Variants in VEPH1 observed in about 807,000 individuals in gnomAD.
VEPH1 encodes the protein ventricular zone-expressed PH domain-containing protein homolog 1.
Under a neutral mutation model 85.2 loss-of-function variants are expected in VEPH1, and 80 were observed. The observed-to-expected ratio is 0.94, with a 90% CI of 0.78 to 1.13. The LOEUF (loss-of-function observed/expected upper bound fraction) is 1.13. Ranked by LOEUF, VEPH1 falls within the 50% of genes most tolerant of loss-of-function variation. VEPH1 has a pLI of 0.00. For missense variants in VEPH1, 955 were observed against 980.5 expected (o/e 0.97, Z 0.35); for synonymous variants, 297 against 348.0 (o/e 0.85, Z 1.63).
At chr3:157,289,500 G>A (rs1489104416) in intron 11 of VEPH1, among the ~76,000 whole-genome samples, 1 of 152,132 alleles carries the variant, frequency 6.6e-6, no homozygotes, top group Non-Finnish European at 1.5e-5. Context: ...CACTTCGAAT[G>A]GAAAGACAGA....
At chr3:157,285,488 AT>A (rs1381582598) in intron 12 of VEPH1, among the ~76,000 whole-genome samples, 1 of 152,204 alleles carries the variant, frequency 6.6e-6, no homozygotes, top group Non-Finnish European at 1.5e-5. Flanking sequence ...AATCTTTAAG[AT>A]GCATAAAATC....
intron 9 of VEPH1, among the ~76,000 whole-genome samples, chr3:157,336,368 T>C (rs1161575183): frequency 6.6e-6 from 1 of 152,148 alleles, no homozygotes; most frequent in Non-Finnish European, 1.5e-5. Context: ...TGAGGAACCA[T>C]TTGCTGCCCC....
At chr3:157,300,176 G>C (rs953701388) in intron 11 of VEPH1, among the ~76,000 whole-genome samples, 2 of 151,846 alleles carry the variant, frequency 1.3e-5, no homozygotes, top group Non-Finnish European at 2.9e-5. Flanking sequence ...TAATATCCAT[G>C]ATAGCAGCAA....
Position 157,438,051 on chromosome 3 carries a change from A to G in VEPH1, c.530-9563T>C, listed in dbSNP as rs1345653582. 7.0e-5 allele frequency: 51 copies of G among 725,146 alleles called. 1 individual carries two copies. The highest frequency in any genetic ancestry group is 7.7e-4 in the Middle Eastern group (2 of 2,598). 44.9% of individuals were successfully genotyped at this position (725,146 alleles called of 1,614,324 possible). ...CGCGCGCGCGCGCACACACACACAC[A>G]CACACACACACACACACACACCCCT... On this transcript the variant is annotated intron_variant, in intron 4 of 13. Coordinates refer to ENST00000362010, the MANE Select transcript of VEPH1 (RefSeq NM_001167912.2).
chr3:157,431,162 C>G (rs1733116726), intron 4 of VEPH1, among the ~76,000 whole-genome samples: 1 of 152,140 alleles, frequency 6.6e-6, no homozygotes, highest in African/African-American at 2.4e-5. Context: ...GTGGCAGTTT[C>G]CGCTGTACTC....
chr3:157,454,827 G>A lies in VEPH1; in HGVS notation c.529+5354C>T, dbSNP rs574122335. Among the ~76,000 whole-genome samples, 3 of 152,206 alleles carry A rather than the reference G, an allele frequency of 2.0e-5. No individual in the cohort carries two copies. The East Asian group carries it at 5.8e-4, about 29-fold the overall frequency. Reference sequence around the variant, plus strand: ...TATGTCCACATGTACCCAATGATTAGTTCCCACTTATAAGTGAAAACATGT... The same window carrying A: ...TATGTCCACATGTACCCAATGATTAATTCCCACTTATAAGTGAAAACATGT... On this transcript the variant is annotated intron_variant, in intron 4 of 13. Transcript: ENST00000362010.
rs532703562 is a variant in VEPH1, at chr3:157,325,859, T to C, written c.1736-8658A>G. 4.6e-5 allele frequency among the ~76,000 whole-genome samples: 7 copies of C among 152,352 alleles called. No individual in the cohort carries two copies. The East Asian group carries it at 5.8e-4, about 13-fold the overall frequency. ...TGAATTTTAAAATAGTTTTTTCTAA[T>C]TCTGTGAAGAATGTCAATGGTAGTT... On this transcript the variant is annotated intron_variant, in intron 9 of 13. Coordinates refer to ENST00000362010, the MANE Select transcript of VEPH1 (RefSeq NM_001167912.2).
chr3:157,461,850 C>A (rs1215032011), intron 3 of VEPH1, among the ~76,000 whole-genome samples: 1 of 151,744 alleles, frequency 6.6e-6, no homozygotes, highest in Non-Finnish European at 1.5e-5. Flanking sequence ...ATCTCGATGG[C>A]CTCAGAGTAG....
chr3:157,410,272 T>C (rs1452010800), intron 6 of VEPH1, among the ~76,000 whole-genome samples: 1 of 152,246 alleles, frequency 6.6e-6, no homozygotes, highest in Middle Eastern at 3.4e-3. Flanking sequence ...CCATGCCTTA[T>C]ATGGTCCCAT....
chr3:157,413,328 G>C (rs367980312), intron 6 of VEPH1: 2 of 365,824 alleles, frequency 5.5e-6, no homozygotes, highest in Non-Finnish European at 7.6e-6. Context: ...ATCCACAAAC[G>C]TTTATTTCAC....
At chr3:157,404,624 G>T in intron 6 of VEPH1, among the ~76,000 whole-genome samples, 1 of 152,110 alleles carries the variant, frequency 6.6e-6, no homozygotes, top group Non-Finnish European at 1.5e-5. Flanking sequence ...TTTCATTTGA[G>T]GGGTAAAGGA....
At chr3:157,368,514 C>T (rs922679199) in intron 7 of VEPH1, among the ~76,000 whole-genome samples, 1 of 149,494 alleles carries the variant, frequency 6.7e-6, no homozygotes, top group African/African-American at 2.5e-5. Context: ...TTTTTTGAAA[C>T]TGAGTCACGC....
chr3:157,263,946 T>C (rs111625964), intron 13 of VEPH1, among the ~76,000 whole-genome samples: 7 of 152,216 alleles, frequency 4.6e-5, no homozygotes, highest in African/African-American at 1.4e-4. Context: ...TTAATTTATG[T>C]GTCAACTTGA....
At chr3:157,318,704 C>T (rs1271165956) in intron 9 of VEPH1, among the ~76,000 whole-genome samples, 1 of 151,478 alleles carries the variant, frequency 6.6e-6, no homozygotes, top group African/African-American at 2.4e-5. Flanking sequence ...ATTCAGTGAT[C>T]CAGTATGCCC....
chr3:157,484,272 A>T (rs1044923115), intron 2 of VEPH1, among the ~76,000 whole-genome samples: 19 of 152,182 alleles, frequency 1.2e-4, no homozygotes, highest in Non-Finnish European at 2.2e-4. Flanking sequence ...AGAGTTTATC[A>T]TTAACAGACC....
intron 4 of VEPH1, chr3:157,436,646 C>G (rs765298267): frequency 2.9e-5 from 8 of 272,774 alleles, no homozygotes; most frequent in Non-Finnish European, 5.5e-5. Context: ...TCCCCTCTGA[C>G]CCTCCTCCAA....
At chr3:157,306,664 T>C (rs75459171) in intron 11 of VEPH1, among the ~76,000 whole-genome samples, 60 of 152,086 alleles carry the variant, frequency 3.9e-4, no homozygotes, top group African/African-American at 1.4e-3. Flanking sequence ...CATCTAGAAA[T>C]AGAACTGCAG....
chr3:157,407,674 A>T lies in VEPH1; in HGVS notation c.906+6207T>A, dbSNP rs1731246756. Among the ~76,000 whole-genome samples, 3 of 152,162 alleles carry T rather than the reference A, an allele frequency of 2.0e-5. No individual in the cohort carries two copies. The South Asian group carries it at 6.2e-4, about 32-fold the overall frequency. ...TTCCTTGGAGAAGCAGAGGCAAGGTAAGCCATTTCCCTAGTTTTCACCTCC... is the reference window on the plus strand; with the variant it reads ...TTCCTTGGAGAAGCAGAGGCAAGGTTAGCCATTTCCCTAGTTTTCACCTCC... On this transcript the variant is annotated intron_variant, in intron 6 of 13. Transcript: ENST00000362010.
intron 5 of VEPH1, among the ~76,000 whole-genome samples, chr3:157,419,031 T>C (rs560522245): frequency 5.7e-4 from 87 of 152,074 alleles, no homozygotes; most frequent in African/African-American, 2.1e-3. Flanking sequence ...AGACCACACA[T>C]CCACAACTAT....
Sources: allele counts gnomAD v4.1 joint callset (sites outside exome capture counted in the v4.1 genomes callset), GRCh38; gene constraint gnomAD v4.1.1; transcripts MANE v1.5; gene names NCBI Gene and HGNC (gene_info 2026-07-23, HGNC 2026-07-21).